Variants in MACROD2 observed in about 807,000 individuals in gnomAD.
MACROD2 encodes the protein mono-ADP ribosylhydrolase 2.
A neutral mutation model predicts 70.4 loss-of-function variants in MACROD2; 36 were observed. The ratio of observed to expected loss-of-function variants is 0.51; its 90% CI spans 0.39 to 0.68. MACROD2 has a LOEUF of 0.68. Ranked by LOEUF, MACROD2 falls within the 30% of genes least tolerant of loss-of-function variation. The probability of loss-of-function intolerance (pLI) is 0.00; values close to 1 mark genes in which losing one functional copy is unlikely to be tolerated. For missense variants in MACROD2, 496 were observed against 538.4 expected (o/e 0.92, Z 0.78); for synonymous variants, 172 against 178.8 (o/e 0.96, Z 0.30).
chr20:14,390,780 C>CAA (rs1296129478), intron 3 of MACROD2, among the ~76,000 whole-genome samples: 1 of 151,942 alleles, frequency 6.6e-6, no homozygotes, highest in African/African-American at 2.4e-5. Flanking sequence ...GTACAAGAAA[C>CAA]AAACAGACAA....
At chr20:15,274,184 C>T (rs1383195218) in intron 6 of MACROD2, among the ~76,000 whole-genome samples, 1 of 152,124 alleles carries the variant, frequency 6.6e-6, no homozygotes, top group African/African-American at 2.4e-5. Flanking sequence ...TCTTAGGAAA[C>T]TAAGATAAGA....
chr20:15,769,969 C>T lies in MACROD2; in HGVS notation c.646-92776C>T, dbSNP rs550542698. The stretch of plus-strand genomic sequence containing the variant: ...CTATTAAAGTTCCCAGGTAGACACA[C>T]ATGCATGTGTGTGAGTGCGCCCCCC... On this transcript the variant is annotated intron_variant, in intron 8 of 17. Coordinates refer to ENST00000684519, the MANE Select transcript of MACROD2 (RefSeq NM_001351661.2). Among the ~76,000 whole-genome samples the T allele has an allele frequency of 8.6e-5, 13 of 151,938 alleles. No homozygotes were observed. The East Asian group carries it at 1.9e-3, about 23-fold the overall frequency.
chr20:14,923,845 ACCTC>A (rs2074195501), intron 5 of MACROD2, among the ~76,000 whole-genome samples: 1 of 150,952 alleles, frequency 6.6e-6, no homozygotes, highest in South Asian at 2.1e-4. Context: ...AAAGAGAAGA[ACCTC>A]CATAAAGGTA....
chr20:15,452,440 GA>G (rs1467968570), intron 7 of MACROD2, among the ~76,000 whole-genome samples: 1 of 152,140 alleles, frequency 6.6e-6, no homozygotes, highest in Non-Finnish European at 1.5e-5. Flanking sequence ...GAATATAAGA[GA>G]AAATCATATT....
chr20:14,534,737 A>C (rs1164147719), intron 4 of MACROD2, among the ~76,000 whole-genome samples: 1 of 151,888 alleles, frequency 6.6e-6, no homozygotes, highest in African/African-American at 2.4e-5. Flanking sequence ...ATAGTTTTTG[A>C]ACAGAAAAAT....
intron 5 of MACROD2, among the ~76,000 whole-genome samples, chr20:15,218,693 A>G (rs2076831872): frequency 6.6e-6 from 1 of 152,178 alleles, no homozygotes; most frequent in Admixed American, 6.5e-5. Flanking sequence ...GGTGAGTGGA[A>G]ATACCCCGAT....
At chr20:14,375,408 C>A (rs79310565) in intron 3 of MACROD2, among the ~76,000 whole-genome samples, 1 of 151,994 alleles carries the variant, frequency 6.6e-6, no homozygotes, top group Non-Finnish European at 1.5e-5. Context: ...TAAAGGATAC[C>A]CTGTTTCTGA....
At chr20:14,772,480 G>A (rs1490168602) in intron 5 of MACROD2, among the ~76,000 whole-genome samples, 1 of 152,014 alleles carries the variant, frequency 6.6e-6, no homozygotes, top group Non-Finnish European at 1.5e-5. Context: ...ATGGCAGCAG[G>A]CAAAGAGAGA....
intron 7 of MACROD2, among the ~76,000 whole-genome samples, chr20:15,444,871 A>T (rs2046541879): frequency 1.3e-5 from 2 of 152,166 alleles, no homozygotes; most frequent in South Asian, 4.1e-4. Flanking sequence ...TAATGCCTAT[A>T]TCATGGGGTT....
intron 8 of MACROD2, among the ~76,000 whole-genome samples, chr20:15,647,581 A>T (rs1170880051): frequency 6.6e-6 from 1 of 152,224 alleles, no homozygotes; most frequent in African/African-American, 2.4e-5. Flanking sequence ...AAGCTTTAAA[A>T]TATGTATAGC....
rs750482995 is a variant in MACROD2 at position 14,890,979 on chromosome 20, CT to C, written c.418+206022del. 6.1e-3 allele frequency among the ~76,000 whole-genome samples: 849 copies of C among 140,060 alleles called. 6 individuals carry two copies. The highest frequency in any genetic ancestry group is 0.018 in the African/African-American group (625 of 35,274). 91.9% of individuals were successfully genotyped at this position (140,060 alleles called of 152,430 possible). On this transcript the variant is annotated intron_variant, in intron 5 of 17. Coordinates refer to ENST00000684519, the MANE Select transcript of MACROD2 (RefSeq NM_001351661.2). ...CCTTCCTTCCTTCCTTCCTTCCTTC[CT>C]TCCTTCCTTCCTCCCTCCCTCCCTC...
chr20:14,613,828 A>G (rs1421459194), intron 4 of MACROD2, among the ~76,000 whole-genome samples: 2 of 152,094 alleles, frequency 1.3e-5, no homozygotes, highest in Non-Finnish European at 2.9e-5. Flanking sequence ...ATAAGTTGCA[A>G]ATTTTTAAAC....
intron 5 of MACROD2, among the ~76,000 whole-genome samples, chr20:15,153,135 A>G (rs564473709): frequency 1.3e-5 from 2 of 152,184 alleles, no homozygotes; most frequent in African/African-American, 4.8e-5. Context: ...CCCCAGTTCG[A>G]GTCACGGCAC....
chr20:15,589,417 AAG>A (rs574759034), intron 8 of MACROD2, among the ~76,000 whole-genome samples: 5 of 152,358 alleles, frequency 3.3e-5, no homozygotes, highest in East Asian at 1.9e-4. Context: ...AATCGAGTGA[AAG>A]AGAGAGTTCT....
intron 2 of MACROD2, among the ~76,000 whole-genome samples, chr20:14,083,423 CA>C (rs35393551): frequency 1.2e-3 from 168 of 137,558 alleles, no homozygotes; most frequent in Middle Eastern, 7.6e-3. Flanking sequence ...AACTCTGTCT[CA>C]AAAAAAAAAA....
chr20:14,629,952 G>GTTCTATCTATCT lies in MACROD2; in HGVS notation c.302-54891_302-54890insTTCTATCTATCT, dbSNP rs201078091. Among the ~76,000 whole-genome samples, 726 of 129,124 alleles carry GTTCTATCTATCT rather than the reference G, an allele frequency of 5.6e-3. 6 individuals carry two copies. The highest frequency in any genetic ancestry group is 8.8e-3 in the East Asian group (39 of 4,452). 84.7% of individuals were successfully genotyped at this position (129,124 alleles called of 152,430 possible). A position where few individuals can be genotyped will look rare whatever the true frequency, so the allele number is the denominator to read the frequency against. On this transcript the variant is annotated intron_variant, in intron 4 of 17. Coordinates refer to ENST00000684519, the MANE Select transcript of MACROD2 (RefSeq NM_001351661.2). ...TAACTCAGATCCTATTATGTGCTAA[G>GTTCTATCTATCT]GTCTATCTATCTATCTATCTATCTA... is the stretch of plus-strand genomic sequence containing the variant.
intron 3 of MACROD2, among the ~76,000 whole-genome samples, chr20:14,231,125 ATTCTTTTTTT>A (rs2081807649): frequency 6.6e-6 from 1 of 151,278 alleles, no homozygotes; most frequent in South Asian, 2.1e-4. Context: ...ATTTAGCATC[ATTCTTTTTTT>A]TTCTTTTTTT....
chr20:15,508,363 C>A (rs1304206543), intron 8 of MACROD2, among the ~76,000 whole-genome samples: 1 of 152,006 alleles, frequency 6.6e-6, no homozygotes, highest in Non-Finnish European at 1.5e-5. Context: ...ATATATACTG[C>A]TAATAGGTCT....
At position 14,101,005 on chromosome 20, in the gene MACROD2, C is replaced by T. The variant is rs1601224669; in HGVS notation, c.271+15277C>T. ...GTTAGATTTATTTTATCTTTTCCCC[C>T]TGATATTTGTCAGTACAATTTTTTT... On this transcript the variant is annotated intron_variant, in intron 3 of 17. Transcript: ENST00000684519. Among the ~76,000 whole-genome samples, 4 of 150,732 alleles carry T rather than the reference C, an allele frequency of 2.7e-5. No homozygotes were observed. The South Asian group carries it at 8.3e-4, about 31-fold the overall frequency.
Sources: gnomAD v4.1 joint callset for allele counts (sites outside exome capture counted in the v4.1 genomes callset) on GRCh38, gnomAD v4.1.1 for gene constraint, MANE v1.5 for transcripts, NCBI Gene and HGNC (gene_info 2026-07-23, HGNC 2026-07-21) for gene names.